The following NIPBL variants were observed in gnomAD, a reference collection of about 807,000 sequenced individuals.
NIPBL encodes the protein nipped-B-like protein.
Under a neutral mutation model 321.8 loss-of-function variants are expected in NIPBL, and 19 were observed. The ratio of observed to expected loss-of-function variants is 0.06; its 90% CI spans 0.04 to 0.09. The LOEUF (loss-of-function observed/expected upper bound fraction) is 0.09. Ranked by LOEUF, NIPBL falls within the 10% of genes least tolerant of loss-of-function variation. The probability of loss-of-function intolerance (pLI) is 1.00; values close to 1 mark genes in which losing one functional copy is unlikely to be tolerated. For synonymous variants in NIPBL, 1,106 were observed against 1,114.1 expected (o/e 0.99, Z 0.14); for missense variants, 2,210 against 3,327.0 (o/e 0.66, Z 8.26).
Position 37,058,997 on chromosome 5 carries a change from G to T in NIPBL, c.7517G>T (p.Arg2506Leu). ...TCCAGGCCTCGGAAGTCACGGAAAC[G>T]TGTAGATTCAGATTCAGATTCAGAT... ...EVSRPRKSRK[R>L]VDSDSDSDSE... Residue 2506 changes from arginine (R) to leucine (L), a missense_variant, in exon 44 of 47, where the codon CGT (arginine) becomes CTT (leucine). Transcript: ENST00000282516. 1 of 1,614,184 alleles carries T rather than the reference G, an allele frequency of 6.2e-7. No homozygotes were observed. Among genetic ancestry groups the T allele is most frequent in the African/African-American group, 1.3e-5 (1 of 75,040 alleles).
intron 29 of NIPBL, 71 bp downstream of exon 29, chr5:37,022,461 G>A: frequency 7.3e-7 from 1 of 1,364,012 alleles, no homozygotes; most frequent in Non-Finnish European, 9.9e-7. Flanking sequence ...TTGTTTTAAA[G>A]TGTTAAGTTA....
At chr5:36,903,566 T>C (rs1163164134) in intron 1 of NIPBL, among the ~76,000 whole-genome samples, 1 of 152,206 alleles carries the variant, frequency 6.6e-6, no homozygotes, top group East Asian at 1.9e-4. Context: ...ATCTTAGTTA[T>C]TGTCAGTCTC....
At chr5:36,975,746 A>G in intron 8 of NIPBL, 30 bp from the exon 9 acceptor site, 3 of 1,609,604 alleles carry the variant, frequency 1.9e-6, no homozygotes, top group South Asian at 1.1e-5. Flanking sequence ...AACCACCACA[A>G]CTGTTACTTC....
rs528422480 is a variant in NIPBL at position 36,945,692 on chromosome 5, TTA to T, written c.-79-7925_-79-7924del. On this transcript the variant is annotated intron_variant, in intron 1 of 46. Coordinates refer to ENST00000282516, the MANE Select transcript of NIPBL (RefSeq NM_133433.4). ...AATTTATTGGAAGTAATTTGAAACT[TTA>T]GAAAAGCAGAAATGTTTTAAAGAAA... Among the ~76,000 whole-genome samples, 136 of 152,310 alleles carry T rather than the reference TTA, an allele frequency of 8.9e-4. 1 individual carries two copies. The East Asian group carries it at 9.4e-3, about 11-fold the overall frequency.
chr5:36,936,935 A>G (rs189504879), intron 1 of NIPBL, among the ~76,000 whole-genome samples: 8 of 151,978 alleles, frequency 5.3e-5, no homozygotes, highest in South Asian at 2.1e-4. Context: ...AATATAGGCT[A>G]TGTATTGCCT....
chr5:37,000,792 C>A, intron 12 of NIPBL, 25 bp from the exon 13 acceptor site: 1 of 1,568,834 alleles, frequency 6.4e-7, no homozygotes, highest in Non-Finnish European at 8.8e-7. Context: ...TCCTGCATTT[C>A]AGTACTTCTT....
chr5:36,978,079 G>T (rs1474725844), intron 9 of NIPBL, among the ~76,000 whole-genome samples: 1 of 151,968 alleles, frequency 6.6e-6, no homozygotes, highest in Admixed American at 6.6e-5. Context: ...GAGTGCAGGT[G>T]TCTTTTTTAT....
chr5:37,044,395 C>G lies in NIPBL; in HGVS notation c.6157C>G (p.Leu2053Val). The G allele has an allele frequency of 6.2e-7, 1 of 1,613,852 alleles. No individual in the cohort carries two copies. The highest frequency in any genetic ancestry group is 8.5e-7 in the Non-Finnish European group (1 of 1,179,784). Reference sequence around the variant, plus strand: ...CTGCAATGTTGCAAAAATCCTAGAGCTAGTTGTACCACTGATGGAGCATCC... The same window carrying G: ...CTGCAATGTTGCAAAAATCCTAGAGGTAGTTGTACCACTGATGGAGCATCC... ...VICNVAKILE[L>V]VVPLMEHPSE... Residue 2053 changes from leucine (L) to valine (V), a missense_variant, in exon 35 of 47, where the codon CTA becomes GTA. This residue lies in a region of NIPBL where 73 missense variants were observed against 222.3 expected (regional missense o/e 0.33). Coordinates refer to ENST00000282516, the MANE Select transcript of NIPBL (RefSeq NM_133433.4).
chr5:36,919,605 C>G (rs567545700), intron 1 of NIPBL, among the ~76,000 whole-genome samples: 1 of 152,236 alleles, frequency 6.6e-6, no homozygotes, highest in South Asian at 2.1e-4. Context: ...ATGCTTATTG[C>G]AATATTGCAA....
intron 46 of NIPBL, 199 bp downstream of exon 46, chr5:37,064,177 CAG>C: frequency 3.5e-6 from 5 of 1,415,400 alleles, no homozygotes; most frequent in Non-Finnish European, 4.6e-6. Flanking sequence ...AATAAAAAAA[CAG>C]AAATGAGATT....
In NIPBL at chr5:37,052,421, C is replaced by T. The variant is rs373666652; in HGVS notation, c.7118C>T (p.Thr2373Ile). 76 of 1,613,940 alleles carry T rather than the reference C, an allele frequency of 4.7e-5. No homozygotes were observed. The highest frequency in any genetic ancestry group is 6.4e-5 in the Non-Finnish European group (75 of 1,179,954). ...MSYQVQQAIN[T>I]CLKDPVRGFR... ...TACCAGGTACAACAGGCAATCAACA[C>T]ATGCCTAAAAGATCCTGTAAGGGGT... The change falls in exon 42 of 47, where the codon ACA (threonine) becomes ATA (isoleucine). Residue 2373 changes from threonine to isoleucine, a missense_variant. Transcript: ENST00000282516.
chr5:37,059,899 A>G (rs1317794828), intron 44 of NIPBL, among the ~76,000 whole-genome samples: 2 of 152,226 alleles, frequency 1.3e-5, no homozygotes, highest in African/African-American at 4.8e-5. Context: ...CTGTAGTTTT[A>G]CCCACCAGTA....
chr5:37,002,705 T>A lies in NIPBL; in HGVS notation c.3708T>A (p.His1236Gln), dbSNP rs1580442766. The part of the protein sequence containing the change: ...EIPQELLLGK[H>Q]QLNELGSESA... Reference sequence around the variant, plus strand: ...CTCAGGAACTGCTCTTAGGAAAACATCAGCTTAATGAACTTGGCAGTGAAT... The same window carrying A: ...CTCAGGAACTGCTCTTAGGAAAACAACAGCTTAATGAACTTGGCAGTGAAT... The change falls in exon 15 of 47, where the codon CAT becomes CAA. Residue 1236 changes from histidine to glutamine, a missense_variant. By Grantham distance (24) the His-to-Gln change is conservative. Coordinates refer to ENST00000282516, the MANE Select transcript of NIPBL (RefSeq NM_133433.4). The A allele has an allele frequency of 6.2e-7, 1 of 1,612,950 alleles. No individual in the cohort carries two copies. The highest frequency in any genetic ancestry group is 8.5e-7 in the Non-Finnish European group (1 of 1,179,246).
chr5:36,946,810 T>G (rs541552952), intron 1 of NIPBL, among the ~76,000 whole-genome samples: 1 of 152,176 alleles, frequency 6.6e-6, no homozygotes, highest in Non-Finnish European at 1.5e-5. Context: ...AGTGAATTAC[T>G]AGCTCAGAGA....
chr5:37,001,043 T>G lies in NIPBL; in HGVS notation c.3629T>G (p.Leu1210Trp). 1 of 1,611,324 alleles carries G rather than the reference T, an allele frequency of 6.2e-7. No homozygotes were observed. Among genetic ancestry groups the G allele is most frequent in the Non-Finnish European group, 8.5e-7 (1 of 1,178,464 alleles). Residue 1210 changes from leucine (L) to tryptophan (W), a missense_variant, in exon 14 of 47, where the codon TTG becomes TGG. By Grantham distance (61) the Leu-to-Trp change is moderately conservative. This residue lies in a region of NIPBL where 381 missense variants were observed against 642.3 expected (regional missense o/e 0.59). Transcript: ENST00000282516. ...TTCACAGCCTCAATAGAGAATATTT[T>G]GGATAATTTGGAAGATATGGATTTT... ...KRFTASIENI[L>W]DNLEDMDFTA...
At chr5:36,920,780 T>C (rs1748871023) in intron 1 of NIPBL, among the ~76,000 whole-genome samples, 1 of 152,126 alleles carries the variant, frequency 6.6e-6, no homozygotes, top group African/African-American at 2.4e-5. Context: ...TGTGGCATCT[T>C]TAACCTGTAT....
chr5:37,046,023 TG>T, intron 37 of NIPBL, 85 bp from the exon 38 acceptor site: 1 of 736,624 alleles, frequency 1.4e-6, no homozygotes, highest in South Asian at 1.5e-5. Context: ...AAATTCTCAT[TG>T]TTTTAAGGTA....
chr5:37,008,194 C>T, intron 19 of NIPBL, 106 bp downstream of exon 19: 2 of 733,688 alleles, frequency 2.7e-6, no homozygotes, highest in Non-Finnish European at 4.9e-6. Flanking sequence ...GTTTTCAGTA[C>T]ATTCATTTCA....
intron 29 of NIPBL, among the ~76,000 whole-genome samples, chr5:37,023,971 G>A (rs915839507): frequency 6.6e-6 from 1 of 151,680 alleles, no homozygotes; most frequent in African/African-American, 2.4e-5. Flanking sequence ...TTCAAGACCA[G>A]CCTGACAACA....
Sources: allele counts gnomAD v4.1 joint callset (sites outside exome capture counted in the v4.1 genomes callset), GRCh38; gene constraint gnomAD v4.1.1; regional missense constraint gnomAD v4.1.1; transcripts MANE v1.5; gene names NCBI Gene and HGNC (gene_info 2026-07-23, HGNC 2026-07-21).